Variants in WNT7A observed in about 807,000 individuals in gnomAD.
WNT7A encodes protein Wnt-7a.
A neutral mutation model predicts 28.2 loss-of-function variants in WNT7A; 16 were observed. The ratio of observed to expected loss-of-function variants is 0.57; its 90% confidence interval spans 0.38 to 0.86. The LOEUF (loss-of-function observed/expected upper bound fraction) is 0.86. Ranked by LOEUF, WNT7A falls within the 40% of genes least tolerant of loss-of-function variation. The pLI is 0.00. For synonymous variants in WNT7A, 190 were observed against 195.9 expected (o/e 0.97, Z 0.25); for missense variants, 411 against 489.7 (o/e 0.84, Z 1.52).
intron 3 of WNT7A, among the ~76,000 whole-genome samples, chr3:13,846,998 C>A (rs1215193370): frequency 6.6e-6 from 1 of 152,176 alleles, no homozygotes; most frequent in African/African-American, 2.4e-5. Context: ...TGGGAAGGGC[C>A]GCCCCTGCCC....
At chr3:13,834,292 T>TTA in intron 3 of WNT7A, among the ~76,000 whole-genome samples, 1 of 151,516 alleles carries the variant, frequency 6.6e-6, no homozygotes, top group African/African-American at 2.4e-5. Flanking sequence ...CTGTCTAGGG[T>TTA]TTTCCTTAAA....
At chr3:13,852,618 C>T (rs1694657319) in intron 3 of WNT7A, among the ~76,000 whole-genome samples, 1 of 152,166 alleles carries the variant, frequency 6.6e-6, no homozygotes, top group Non-Finnish European at 1.5e-5. Flanking sequence ...CTGCCCTCGT[C>T]GGGGCCCTTG....
chr3:13,861,016 TC>T (rs1694820452), intron 2 of WNT7A, among the ~76,000 whole-genome samples: 1 of 152,166 alleles, frequency 6.6e-6, no homozygotes. Context: ...TGCTATTATC[TC>T]CATTTTACAG....
At chr3:13,838,023 A>T (rs917782118) in intron 3 of WNT7A, among the ~76,000 whole-genome samples, 1 of 152,220 alleles carries the variant, frequency 6.6e-6, no homozygotes, top group Non-Finnish European at 1.5e-5. Context: ...CCTCTGAGAT[A>T]TTCTGTTCCT....
Position 13,855,753 on chromosome 3 carries a change from T to G in WNT7A, c.299-950A>C, listed in dbSNP as rs537775922. Among the ~76,000 whole-genome samples, 5 of 152,212 alleles carry G rather than the reference T, an allele frequency of 3.3e-5. No individual in the cohort carries two copies. In the East Asian group the frequency reaches 7.7e-4, roughly 24 times the overall value. ...AACCTATGGGAAGCCCTGTGTGTGGTATAAGCCCTGAGGAGCACTGGGCAA... is the reference window on the plus strand; with the variant it reads ...AACCTATGGGAAGCCCTGTGTGTGGGATAAGCCCTGAGGAGCACTGGGCAA... On this transcript the variant is annotated intron_variant, in intron 2 of 3. Coordinates refer to ENST00000285018, the MANE Select transcript of WNT7A (RefSeq NM_004625.4).
intron 2 of WNT7A, among the ~76,000 whole-genome samples, chr3:13,856,935 GA>G (rs1694748650): frequency 8.4e-6 from 1 of 119,002 alleles, no homozygotes; most frequent in African/African-American, 4.1e-5. Context: ...AGAAGAAGAA[GA>G]AGAAGAAGAA....
chr3:13,846,553 T>C (rs1694541219), intron 3 of WNT7A, among the ~76,000 whole-genome samples: 1 of 152,140 alleles, frequency 6.6e-6, no homozygotes, highest in African/African-American at 2.4e-5. Flanking sequence ...ATTAAATTAG[T>C]ATATATATTT....
rs768249070 is a variant in WNT7A at position 13,874,944 on chromosome 3, T to C, written c.298+3A>G. On this transcript the variant is annotated splice_donor_region_variant and intron_variant, in intron 2 of 3. Coordinates refer to ENST00000285018, the MANE Select transcript of WNT7A (RefSeq NM_004625.4). ...CTGCGGGGGTGTTTGGGTGAGCACATACCCACTTTGAGCTCCTTCCCGAAG... is the reference window on the plus strand; with the variant it reads ...CTGCGGGGGTGTTTGGGTGAGCACACACCCACTTTGAGCTCCTTCCCGAAG... The C allele has an allele frequency of 2.5e-6, 4 of 1,613,814 alleles. No homozygotes were observed. The highest frequency in any genetic ancestry group is 3.4e-6 in the Non-Finnish European group (4 of 1,179,968).
intron 1 of WNT7A, 42 bp from the exon 2 acceptor site, chr3:13,875,215 A>G: frequency 6.2e-7 from 1 of 1,605,540 alleles, no homozygotes; most frequent in Non-Finnish European, 8.5e-7. Context: ...TAGGCCAGCA[A>G]GGGGGCATGG....
chr3:13,846,101 C>T (rs1694533262), intron 3 of WNT7A, among the ~76,000 whole-genome samples: 1 of 152,226 alleles, frequency 6.6e-6, no homozygotes, highest in South Asian at 2.1e-4. Context: ...CTGATGTGTC[C>T]TCTCCCAGGC....
chr3:13,866,533 G>C (rs544308420), intron 2 of WNT7A, among the ~76,000 whole-genome samples: 2 of 152,348 alleles, frequency 1.3e-5, no homozygotes, highest in East Asian at 3.9e-4. Flanking sequence ...TACACAGTGA[G>C]AGCGGACAAG....
chr3:13,860,030 T>C (rs1694802956), intron 2 of WNT7A, among the ~76,000 whole-genome samples: 2 of 151,042 alleles, frequency 1.3e-5, no homozygotes, highest in East Asian at 3.9e-4. Context: ...CCCCAAGGCA[T>C]GAGCACAGAG....
At chr3:13,844,364 C>T (rs945126666) in intron 3 of WNT7A, among the ~76,000 whole-genome samples, 2 of 152,244 alleles carry the variant, frequency 1.3e-5, no homozygotes, top group African/African-American at 4.8e-5. Flanking sequence ...GAGAGGGGCA[C>T]ACAGTGCCTT....
intron 3 of WNT7A, 29 bp from the exon 4 acceptor site, chr3:13,819,452 C>T (rs372681386): frequency 5.0e-6 from 8 of 1,607,106 alleles, no homozygotes; most frequent in Non-Finnish European, 6.8e-6. Context: ...AAGAGCACAG[C>T]ACAGGTCACT....
intron 2 of WNT7A, among the ~76,000 whole-genome samples, chr3:13,859,212 C>A (rs1420816336): frequency 2.0e-5 from 3 of 152,174 alleles, no homozygotes; most frequent in African/African-American, 7.2e-5. Flanking sequence ...TCTGCCCAGG[C>A]AAATTTAAGG....
At chr3:13,839,626 C>G (rs1694425351) in intron 3 of WNT7A, among the ~76,000 whole-genome samples, 1 of 152,168 alleles carries the variant, frequency 6.6e-6, no homozygotes, top group South Asian at 2.1e-4. Flanking sequence ...TCTCAGAAAA[C>G]AACTGAAAAA....
chr3:13,865,247 T>G lies in WNT7A; in HGVS notation c.298+9700A>C, dbSNP rs530419713. ...TTAATATGCCGGCAGGCACCCTGAC[T>G]CTCCAGGAGCAGGGAGTATAACATG... On this transcript the variant is annotated intron_variant, in intron 2 of 3. Coordinates refer to ENST00000285018, the MANE Select transcript of WNT7A (RefSeq NM_004625.4). Among the ~76,000 whole-genome samples, 19 of 152,248 alleles carry G rather than the reference T, an allele frequency of 1.2e-4. 1 individual carries two copies. The highest frequency in any genetic ancestry group is 3.4e-3 in the Middle Eastern group (1 of 294).
intron 2 of WNT7A, among the ~76,000 whole-genome samples, chr3:13,860,837 G>C (rs1362645060): frequency 6.6e-6 from 1 of 152,228 alleles, no homozygotes; most frequent in African/African-American, 2.4e-5. Context: ...ACACCTGCAA[G>C]GGTGGTCTGT....
chr3:13,875,087 T>C lies in WNT7A; in HGVS notation c.158A>G (p.Gln53Arg). ...GACGATGATGGCGTCGGGCCGGCTCTGGCAGATCGCCCGCTGTCTGGGAGC... is the reference window on the plus strand; with the variant it reads ...GACGATGATGGCGTCGGGCCGGCTCCGGCAGATCGCCCGCTGTCTGGGAGC... Reference protein sequence around the residue: ...GLAPRQRAICQSRPDAIIVIG... With the variant: ...GLAPRQRAICRSRPDAIIVIG... The change falls in exon 2 of 4, where the codon CAG becomes CGG. Residue 53 changes from glutamine (Q) to arginine (R), a missense_variant. By Grantham distance (43) the Gln-to-Arg change is conservative. Coordinates refer to ENST00000285018, the MANE Select transcript of WNT7A (RefSeq NM_004625.4). The C allele has an allele frequency of 3.1e-6, 5 of 1,614,246 alleles. No individual in the cohort carries two copies. The highest frequency in any genetic ancestry group is 4.2e-6 in the Non-Finnish European group (5 of 1,180,046).
Sources: gnomAD v4.1 joint callset for allele counts (sites outside exome capture counted in the v4.1 genomes callset) on GRCh38, gnomAD v4.1.1 for gene constraint, MANE v1.5 for transcripts, NCBI Gene and HGNC (gene_info 2026-07-23, HGNC 2026-07-21) for gene names.